Variants in SLC16A7 observed in about 807,000 individuals in gnomAD.
The protein encoded by SLC16A7 is solute carrier family 16 member 7.
Under a neutral mutation model 34.9 loss-of-function variants are expected in SLC16A7, and 33 were observed. That is an observed-to-expected ratio of 0.94 (90% CI 0.72 to 1.26). The LOEUF (loss-of-function observed/expected upper bound fraction) is 1.26. Among genes scored for constraint, SLC16A7 ranks in the 50% most tolerant of loss-of-function variants. The pLI is 0.00. For missense variants in SLC16A7, 573 were observed against 578.1 expected (o/e 0.99, Z 0.09); for synonymous variants, 201 against 206.6 (o/e 0.97, Z 0.23).
At chr12:59,649,991 A>T (rs1032314497) in intron 1 of SLC16A7, among the ~76,000 whole-genome samples, 1 of 152,034 alleles carries the variant, frequency 6.6e-6, no homozygotes, top group African/African-American at 2.4e-5. Flanking sequence ...ATTAGTAAAA[A>T]TTTTATAGAT....
At chr12:59,651,170 AT>A (rs1474646389) in intron 1 of SLC16A7, among the ~76,000 whole-genome samples, 1 of 152,012 alleles carries the variant, frequency 6.6e-6, no homozygotes, top group African/African-American at 2.4e-5. Context: ...AACAAATTAT[AT>A]TTTTTCAATG....
At chr12:59,659,628 A>T (rs534721159) in intron 2 of SLC16A7, among the ~76,000 whole-genome samples, 9 of 152,216 alleles carry the variant, frequency 5.9e-5, no homozygotes, top group African/African-American at 1.9e-4. Context: ...TTTAATTCTT[A>T]AAATTGATGC....
intron 3 of SLC16A7, among the ~76,000 whole-genome samples, chr12:59,728,697 C>G (rs756076415): frequency 7.2e-5 from 11 of 152,086 alleles, no homozygotes; most frequent in Non-Finnish European, 1.5e-4. Flanking sequence ...TGCACTCCAG[C>G]CTGGATGACA....
At position 59,671,965 on chromosome 12, in the gene SLC16A7, GTATATATCCATATATCCGTA is replaced by G; in HGVS notation, c.-31+16723_-31+16742del. ...TATATGTGTATATATGTATATATGT[GTATATATCCATATATCCGTA>G]TATATATGTGTATATATCCATATAT... On this transcript the variant is annotated intron_variant, in intron 2 of 5. Coordinates refer to ENST00000547379, the MANE Select transcript of SLC16A7 (RefSeq NM_001270623.2). 4.1e-4 allele frequency among the ~76,000 whole-genome samples: 2 copies of G among 4,916 alleles called. 1 individual carries two copies. Among genetic ancestry groups the G allele is most frequent in the African/African-American group, 1.2e-3 (2 of 1,662 alleles). 3.2% of individuals were successfully genotyped at this position (4,916 alleles called of 152,430 possible).
intron 3 of SLC16A7, among the ~76,000 whole-genome samples, chr12:59,729,587 C>T (rs1876694376): frequency 6.6e-6 from 1 of 152,084 alleles, no homozygotes; most frequent in Non-Finnish European, 1.5e-5. Flanking sequence ...CTACAAGAAG[C>T]CCAACCCTTT....
intron 2 of SLC16A7, among the ~76,000 whole-genome samples, chr12:59,666,330 A>G (rs910805600): frequency 6.6e-6 from 1 of 152,156 alleles, no homozygotes; most frequent in Non-Finnish European, 1.5e-5. Flanking sequence ...TATTTTCCCA[A>G]TTTATGCTCG....
At chr12:59,744,589 T>A (rs910682383) in intron 3 of SLC16A7, among the ~76,000 whole-genome samples, 1 of 152,174 alleles carries the variant, frequency 6.6e-6, no homozygotes, top group East Asian at 1.9e-4. Flanking sequence ...CAGGTGCAGA[T>A]GCTAAAGGCT....
At position 59,614,707 on chromosome 12, in the gene SLC16A7, G is replaced by A. The variant is rs117556700; in HGVS notation, c.-130+18471G>A. Among the ~76,000 whole-genome samples, 83 of 150,910 alleles carry A rather than the reference G, an allele frequency of 5.5e-4. 1 individual carries two copies. In the East Asian group the frequency reaches 9.9e-3, roughly 18 times the overall value. ...CCCTTATATAAATGAGGATCCAGCC[G>A]GGCATGGTGGCTCAAGGCTGTAATC... On this transcript the variant is annotated intron_variant, in intron 1 of 5. Coordinates refer to ENST00000547379, the MANE Select transcript of SLC16A7 (RefSeq NM_001270623.2).
Position 59,602,342 on chromosome 12 carries a change from C to T in SLC16A7, c.-130+6106C>T, listed in dbSNP as rs376056024. 1.1e-4 allele frequency among the ~76,000 whole-genome samples: 17 copies of T among 152,176 alleles called. No homozygotes were observed. The South Asian group carries it at 3.3e-3, about 30-fold the overall frequency. ...CCTTTGGCAGTATTCATCCCTAATG[C>T]TTCTTGAACTCCTGTTTTGGCTTTC... On this transcript the variant is annotated intron_variant, in intron 1 of 5. Coordinates refer to ENST00000547379, the MANE Select transcript of SLC16A7 (RefSeq NM_001270623.2).
At chr12:59,739,871 A>G (rs1001731286) in intron 3 of SLC16A7, among the ~76,000 whole-genome samples, 14 of 151,868 alleles carry the variant, frequency 9.2e-5, no homozygotes, top group African/African-American at 1.7e-4. Flanking sequence ...CATGTCCTTC[A>G]CCCACTTTTT....
intron 2 of SLC16A7, among the ~76,000 whole-genome samples, chr12:59,670,409 A>G (rs1418932902): frequency 3.3e-5 from 5 of 151,358 alleles, no homozygotes; most frequent in African/African-American, 9.7e-5. Flanking sequence ...CCTGCCTTCC[A>G]ATCCACCCCC....
intron 2 of SLC16A7, among the ~76,000 whole-genome samples, chr12:59,683,991 G>C (rs975596752): frequency 2.6e-5 from 4 of 152,142 alleles, no homozygotes; most frequent in Admixed American, 6.5e-5. Flanking sequence ...TCATCTTTAG[G>C]AAAGAATTTA....
At chr12:59,749,474 G>GTC (rs2137317950) in intron 3 of SLC16A7, among the ~76,000 whole-genome samples, 1 of 152,276 alleles carries the variant, frequency 6.6e-6, no homozygotes, top group Admixed American at 6.5e-5. Flanking sequence ...TGTCGAAGTG[G>GTC]TCTACTTGCC....
At chr12:59,737,403 ATTTTTGCTT>A (rs1877723839) in intron 3 of SLC16A7, among the ~76,000 whole-genome samples, 2 of 152,204 alleles carry the variant, frequency 1.3e-5, no homozygotes, top group Non-Finnish European at 2.9e-5. Flanking sequence ...CTAAGGAGTG[ATTTTTGCTT>A]AGTAATGGAC....
At position 59,789,677 on chromosome 12, in the gene SLC16A7, T is replaced by C. The variant is rs1441920899; in HGVS notation, c.*9998T>C. ...TAACCCTGTCCATGTTCCTCTGTAC[T>C]CTATTCTTACTGTATTTTAGTTATT... On this transcript the variant is annotated 3_prime_UTR_variant, in exon 6 of 6. Coordinates refer to ENST00000547379, the MANE Select transcript of SLC16A7 (RefSeq NM_001270623.2). 1 of 152,170 alleles carries C rather than the reference T, an allele frequency of 6.6e-6. No individual in the cohort carries two copies. The highest frequency in any genetic ancestry group is 1.5e-5 in the Non-Finnish European group (1 of 68,012). The allele number at this position is 152,170 out of a possible 1,614,324, so 9.4% of individuals were successfully genotyped here. A position where few individuals can be genotyped will look rare whatever the true frequency, so the allele number is the denominator to read the frequency against.
At chr12:59,681,522 G>A (rs75918458) in intron 2 of SLC16A7, among the ~76,000 whole-genome samples, 10,803 of 151,786 alleles carry the variant, frequency 0.071, 429 homozygotes, top group Middle Eastern at 0.17. Flanking sequence ...AAAAAATTGT[G>A]GAACAATTGT....
chr12:59,772,078 A>G (rs368544636), intron 4 of SLC16A7, among the ~76,000 whole-genome samples: 1 of 152,168 alleles, frequency 6.6e-6, no homozygotes, highest in South Asian at 2.1e-4. Flanking sequence ...TTACAAATTT[A>G]TATTCAACGT....
At chr12:59,665,957 CA>C (rs1869166511) in intron 2 of SLC16A7, among the ~76,000 whole-genome samples, 1 of 151,958 alleles carries the variant, frequency 6.6e-6, no homozygotes, top group Non-Finnish European at 1.5e-5. Flanking sequence ...AAGTAAACAT[CA>C]AAAGCTAAAT....
At chr12:59,608,523 G>T (rs916662188) in intron 1 of SLC16A7, among the ~76,000 whole-genome samples, 1 of 152,140 alleles carries the variant, frequency 6.6e-6, no homozygotes, top group African/African-American at 2.4e-5. Context: ...ATGTAAGTCT[G>T]TGTTCCCTGT....
Sources: gnomAD v4.1 joint callset for allele counts (sites outside exome capture counted in the v4.1 genomes callset) on GRCh38, gnomAD v4.1.1 for gene constraint, MANE v1.5 for transcripts, NCBI Gene and HGNC (gene_info 2026-07-23, HGNC 2026-07-21) for gene names.